The following WDFY2 variants were observed in gnomAD, a reference collection of about 807,000 sequenced individuals.
WDFY2 encodes the protein WD repeat and FYVE domain containing 2.
WDFY2 carries 36 observed loss-of-function variants against 56.4 expected under a neutral mutation model. That is an observed-to-expected ratio of 0.64 (90% CI 0.49 to 0.84). WDFY2 has a LOEUF of 0.84. Ranked by LOEUF, WDFY2 falls within the 40% of genes least tolerant of loss-of-function variation. WDFY2 has a pLI of 0.00. For synonymous variants in WDFY2, 176 were observed against 183.7 expected, an observed-to-expected ratio of 0.96 and a Z score of 0.34; for missense variants, 444 against 512.2, an observed-to-expected ratio of 0.87 and a Z score of 1.29.
At chr13:51,689,320 A>G (rs1943051703) in intron 3 of WDFY2, among the ~76,000 whole-genome samples, 1 of 152,198 alleles carries the variant, frequency 6.6e-6, no homozygotes, top group Non-Finnish European at 1.5e-5. Flanking sequence ...GCAGCAGCCA[A>G]ACAGTTCGTG....
At position 51,719,299 on chromosome 13, in the gene WDFY2, G is replaced by A. The variant is rs781284584; in HGVS notation, c.436G>A (p.Gly146Arg). 1.9e-6 allele frequency: 3 copies of A among 1,613,690 alleles called. No homozygotes were observed. The highest frequency in any genetic ancestry group is 1.7e-5 in the Admixed American group (1 of 59,942). Residue 146 changes from glycine (G) to arginine (R), a missense_variant, in exon 5 of 12, where the codon GGG becomes AGG. Coordinates refer to ENST00000298125, the MANE Select transcript of WDFY2 (RefSeq NM_052950.4). ...ATTTGCCTGGCACTGCTCTGAGAGT[G>A]GGCAGCGCCTGGGAGGTTATCGGAC... ...KQFAWHCSES[G>R]QRLGGYRTSA...
intron 3 of WDFY2, among the ~76,000 whole-genome samples, chr13:51,693,766 T>A (rs1002109959): frequency 1.9e-4 from 29 of 152,180 alleles, no homozygotes; most frequent in Non-Finnish European, 3.2e-4. Context: ...TTGATCTGTC[T>A]AATGTTGACA....
chr13:51,620,318 C>A, intron 1 of WDFY2, among the ~76,000 whole-genome samples: 1 of 152,156 alleles, frequency 6.6e-6, no homozygotes. Context: ...CTGCTCTGGC[C>A]TGTTGCCTGG....
intron 6 of WDFY2, among the ~76,000 whole-genome samples, chr13:51,728,037 A>T (rs1952642855): frequency 6.6e-6 from 1 of 152,232 alleles, no homozygotes; most frequent in South Asian, 2.1e-4. Context: ...GTTCTCTGTC[A>T]TACTGCACCA....
At chr13:51,648,936 C>T (rs1955313004) in intron 1 of WDFY2, among the ~76,000 whole-genome samples, 1 of 152,156 alleles carries the variant, frequency 6.6e-6, no homozygotes, top group South Asian at 2.1e-4. Context: ...CGCTTGAGGT[C>T]AGAGGTTCAA....
At chr13:51,586,875 TG>T (rs1953949952) in intron 1 of WDFY2, 2 of 152,334 alleles carry the variant, frequency 1.3e-5, no homozygotes, top group Middle Eastern at 3.4e-3. Context: ...TGTGCTTCTT[TG>T]GGTCATATAC....
intron 1 of WDFY2, among the ~76,000 whole-genome samples, chr13:51,654,459 G>T (rs954797200): frequency 1.3e-5 from 2 of 152,136 alleles, no homozygotes; most frequent in Non-Finnish European, 2.9e-5. Flanking sequence ...GGTACCTCAG[G>T]TGGAAATGCA....
intron 2 of WDFY2, 46 bp from the exon 3 acceptor site, chr13:51,675,124 A>G: frequency 6.3e-7 from 1 of 1,585,398 alleles, no homozygotes; most frequent in Non-Finnish European, 8.7e-7. Context: ...TGAGTCGATG[A>G]GAATCATGGT....
intron 6 of WDFY2, among the ~76,000 whole-genome samples, chr13:51,737,969 A>G (rs1952878999): frequency 1.3e-5 from 2 of 152,186 alleles, no homozygotes; most frequent in African/African-American, 2.4e-5. Flanking sequence ...CTACTTTTTG[A>G]TCTTAAAAAA....
chr13:51,645,215 T>C (rs1157180540), intron 1 of WDFY2, among the ~76,000 whole-genome samples: 2 of 152,002 alleles, frequency 1.3e-5, no homozygotes, highest in African/African-American at 4.8e-5. Context: ...AGTTTGCAGA[T>C]CGCTAGGGGC....
chr13:51,666,580 A>G (rs781772985), intron 2 of WDFY2, among the ~76,000 whole-genome samples: 15 of 152,176 alleles, frequency 9.9e-5, no homozygotes, highest in African/African-American at 1.9e-4. Context: ...ATAATTTTCC[A>G]TGTGTATTAT....
chr13:51,744,836 C>A (rs962998908), intron 7 of WDFY2, among the ~76,000 whole-genome samples: 1 of 152,186 alleles, frequency 6.6e-6, no homozygotes. Flanking sequence ...GTTCATTCTT[C>A]GTAACCCCTA....
chr13:51,639,561 T>G (rs368030229), intron 1 of WDFY2, among the ~76,000 whole-genome samples: 1 of 152,014 alleles, frequency 6.6e-6, no homozygotes, highest in South Asian at 2.1e-4. Flanking sequence ...ACAAAACATA[T>G]CAGATTTATT....
intron 3 of WDFY2, among the ~76,000 whole-genome samples, chr13:51,697,893 T>C (rs948322745): frequency 1.3e-5 from 2 of 152,256 alleles, no homozygotes; most frequent in Non-Finnish European, 2.9e-5. Flanking sequence ...TCTTCAATTA[T>C]AATTGTTCAA....
chr13:51,629,750 G>C (rs1327862118), intron 1 of WDFY2, among the ~76,000 whole-genome samples: 1 of 151,264 alleles, frequency 6.6e-6, no homozygotes, highest in Non-Finnish European at 1.5e-5. Context: ...GCCAAGGGGT[G>C]ATTGAGGCTT....
At chr13:51,615,892 A>G (rs1321365780) in intron 1 of WDFY2, among the ~76,000 whole-genome samples, 1 of 152,138 alleles carries the variant, frequency 6.6e-6, no homozygotes, top group Non-Finnish European at 1.5e-5. Flanking sequence ...TGTGTTTTGC[A>G]AGGATGGATT....
At chr13:51,693,471 G>C (rs1448303259) in intron 3 of WDFY2, among the ~76,000 whole-genome samples, 8 of 152,058 alleles carry the variant, frequency 5.3e-5, no homozygotes, top group Non-Finnish European at 1.0e-4. Flanking sequence ...AGGTTGTTCA[G>C]TTTCCATGTA....
intron 1 of WDFY2, among the ~76,000 whole-genome samples, chr13:51,612,526 A>G (rs1332333371): frequency 6.6e-6 from 1 of 152,192 alleles, no homozygotes; most frequent in Non-Finnish European, 1.5e-5. Context: ...ACACATTTCA[A>G]AAAGTTTGTT....
chr13:51,600,775 A>G (rs1954260268), intron 1 of WDFY2, among the ~76,000 whole-genome samples: 1 of 152,146 alleles, frequency 6.6e-6, no homozygotes, highest in Non-Finnish European at 1.5e-5. Context: ...GGTGCCCACT[A>G]CTGGACCCTA....
Sources: gnomAD v4.1 joint callset for allele counts (sites outside exome capture counted in the v4.1 genomes callset) on GRCh38, gnomAD v4.1.1 for gene constraint, MANE v1.5 for transcripts, NCBI Gene and HGNC (gene_info 2026-07-23, HGNC 2026-07-21) for gene names.